Variants in LEPR observed in about 807,000 individuals in gnomAD.
LEPR encodes leptin receptor.
A neutral mutation model predicts 114.7 loss-of-function variants in LEPR; 56 were observed. The observed-to-expected ratio is 0.49, with a 90% CI of 0.39 to 0.61. The LOEUF (loss-of-function observed/expected upper bound fraction) is 0.61. Among genes scored for constraint, LEPR ranks in the 20% least tolerant of loss-of-function variants. The pLI, the probability that LEPR is intolerant of heterozygous loss-of-function variation, is 0.00. For synonymous variants in LEPR, 443 were observed against 461.4 expected (o/e 0.96, Z 0.51); for missense variants, 1,202 against 1,352.9 (o/e 0.89, Z 1.75).
At chr1:65,570,002 T>A (rs1171454682) in intron 3 of LEPR, among the ~76,000 whole-genome samples, 2 of 152,310 alleles carry the variant, frequency 1.3e-5, no homozygotes, top group East Asian at 3.9e-4. Context: ...GAAAGCAGTG[T>A]TAATATTTTG....
At chr1:65,589,926 T>G (rs566731116) in intron 5 of LEPR, among the ~76,000 whole-genome samples, 26 of 152,176 alleles carry the variant, frequency 1.7e-4, no homozygotes, top group African/African-American at 6.3e-4. Context: ...TCCATATGAA[T>G]TTTTAGATTC....
chr1:65,456,584 C>A (rs1022074751), intron 2 of LEPR, among the ~76,000 whole-genome samples: 2 of 152,146 alleles, frequency 1.3e-5, no homozygotes, highest in Non-Finnish European at 2.9e-5. Flanking sequence ...TCCCTGATAA[C>A]TATTTTTGCT....
At chr1:65,587,451 A>C (rs1034164936) in intron 5 of LEPR, among the ~76,000 whole-genome samples, 1 of 152,226 alleles carries the variant, frequency 6.6e-6, no homozygotes, top group Admixed American at 6.5e-5. Flanking sequence ...ATGGGTGGAT[A>C]GCATTTTACA....
At chr1:65,515,896 A>T (rs150636015) in intron 2 of LEPR, among the ~76,000 whole-genome samples, 1 of 152,346 alleles carries the variant, frequency 6.6e-6, no homozygotes, top group East Asian at 1.9e-4. Flanking sequence ...AAGATAGTCA[A>T]CTTGGTTAGT....
intron 2 of LEPR, among the ~76,000 whole-genome samples, chr1:65,537,920 C>T (rs939072237): frequency 6.6e-6 from 1 of 152,162 alleles, no homozygotes; most frequent in African/African-American, 2.4e-5. Flanking sequence ...GCTCCTGAGC[C>T]ACCCAAAGAA....
At chr1:65,551,925 C>G (rs1175032149) in intron 2 of LEPR, among the ~76,000 whole-genome samples, 1 of 152,140 alleles carries the variant, frequency 6.6e-6, no homozygotes, top group Non-Finnish European at 1.5e-5. Context: ...TCACTGGTTT[C>G]AAAGAACATC....
intron 2 of LEPR, among the ~76,000 whole-genome samples, chr1:65,540,823 A>C (rs1651139379): frequency 6.6e-6 from 1 of 152,008 alleles, no homozygotes; most frequent in Admixed American, 6.6e-5. Flanking sequence ...GGGAAAGATC[A>C]GTTTGTTCAG....
intron 2 of LEPR, among the ~76,000 whole-genome samples, chr1:65,542,766 A>G (rs1651330798): frequency 6.6e-6 from 1 of 151,952 alleles, no homozygotes; most frequent in Non-Finnish European, 1.5e-5. Flanking sequence ...TTCCAGCTTC[A>G]TTCATGTCCC....
At chr1:65,516,996 T>C (rs1474673574) in intron 2 of LEPR, among the ~76,000 whole-genome samples, 1 of 152,234 alleles carries the variant, frequency 6.6e-6, no homozygotes, top group Non-Finnish European at 1.5e-5. Flanking sequence ...CTTTACACCA[T>C]AATAACCGAG....
At chr1:65,452,470 TGA>T (rs1340818098) in intron 2 of LEPR, among the ~76,000 whole-genome samples, 1 of 151,998 alleles carries the variant, frequency 6.6e-6, no homozygotes, top group African/African-American at 2.4e-5. Context: ...CCTAATTTAT[TGA>T]GAGTTTTTAG....
chr1:65,596,579 A>G lies in LEPR; in HGVS notation c.835A>G (p.Thr279Ala), dbSNP rs1457997846. 1.2e-6 allele frequency: 2 copies of G among 1,612,404 alleles called. No homozygotes were observed. Residue 279 changes from threonine (T) to alanine (A), a missense_variant, in exon 7 of 20, where the codon ACA becomes GCA. Transcript: ENST00000349533. ...YQVKYSENST[T>A]VIREADKIVS... ...AGTGAAATATTCAGAGAATTCTACAACAGTTATCAGAGAAGTAAGTATATT... is the reference window on the plus strand; with the variant it reads ...AGTGAAATATTCAGAGAATTCTACAGCAGTTATCAGAGAAGTAAGTATATT...
Position 65,457,669 on chromosome 1 carries a change from C to T in LEPR, c.-21+32291C>T, listed in dbSNP as rs529043454. Reference sequence around the variant, plus strand: ...TTTCTCCTCACCTGCCCTCTCACCTCTTCCCCTTTCTGAGTCTTCATTGTC... The same window carrying T: ...TTTCTCCTCACCTGCCCTCTCACCTTTTCCCCTTTCTGAGTCTTCATTGTC... On this transcript the variant is annotated intron_variant, in intron 2 of 19. Transcript: ENST00000349533. Among the ~76,000 whole-genome samples, 10 of 152,334 alleles carry T rather than the reference C, an allele frequency of 6.6e-5. No homozygotes were observed. In the South Asian group the frequency reaches 2.1e-3, roughly 32 times the overall value.
chr1:65,609,865 T>C, intron 12 of LEPR, 82 bp from the exon 13 acceptor site: 1 of 1,590,906 alleles, frequency 6.3e-7, no homozygotes, highest in South Asian at 1.1e-5. Context: ...AGTGTTAAGG[T>C]TTAAAATAAA....
At chr1:65,537,497 A>G (rs1650862872) in intron 2 of LEPR, among the ~76,000 whole-genome samples, 2 of 152,018 alleles carry the variant, frequency 1.3e-5, no homozygotes, top group Non-Finnish European at 2.9e-5. Context: ...CAGATACCAT[A>G]GTAGAAGATA....
chr1:65,548,149 TTGAC>T lies in LEPR; in HGVS notation c.-20-17394_-20-17391del, dbSNP rs768450161. Among the ~76,000 whole-genome samples the T allele has an allele frequency of 4.9e-4, 74 of 152,204 alleles. 1 individual carries two copies. The highest frequency in any genetic ancestry group is 4.3e-4 in the Non-Finnish European group (29 of 68,034). ...GAGTTTCTGAATCCTCAGTTCTAGT[TTGAC>T]TGCACTGTGGTCTGAGAGACAGTTT... On this transcript the variant is annotated intron_variant, in intron 2 of 19. Transcript: ENST00000349533.
At chr1:65,444,816 G>A (rs551879015) in intron 2 of LEPR, among the ~76,000 whole-genome samples, 1 of 152,240 alleles carries the variant, frequency 6.6e-6, no homozygotes, top group South Asian at 2.1e-4. Context: ...GTAATAATGT[G>A]TGCTCATATA....
chr1:65,432,566 T>TAA (rs36067009), intron 2 of LEPR: 2,052 of 881,108 alleles, frequency 2.3e-3, no homozygotes, highest in South Asian at 3.4e-3. Flanking sequence ...CTCATTTGTT[T>TAA]AAAAAAAAAA....
chr1:65,598,840 A>G, intron 8 of LEPR, 36 bp downstream of exon 8: 1 of 1,612,404 alleles, frequency 6.2e-7, no homozygotes, highest in Non-Finnish European at 8.5e-7. Context: ...CTGGGAGGGA[A>G]ATATATTTCC....
Position 65,636,444 on chromosome 1 carries a change from A to T in LEPR, c.2927A>T (p.Asp976Val). ...EAEGTEVTYE[D>V]ESQRQPFVKY... ...GAGGGTACTGAGGTAACCTATGAGGACGAAAGCCAGAGACAACCCTTTGTT... is the reference window on the plus strand; with the variant it reads ...GAGGGTACTGAGGTAACCTATGAGGTCGAAAGCCAGAGACAACCCTTTGTT... The change falls in exon 20 of 20, where the codon GAC (aspartate) becomes GTC (valine). Residue 976 changes from aspartate to valine, a missense_variant. Transcript: ENST00000349533. The T allele has an allele frequency of 6.2e-7, 1 of 1,614,104 alleles. No individual in the cohort carries two copies. Among genetic ancestry groups the T allele is most frequent in the Non-Finnish European group, 8.5e-7 (1 of 1,180,014 alleles).
Sources: gnomAD v4.1 joint callset for allele counts (sites outside exome capture counted in the v4.1 genomes callset) on GRCh38, gnomAD v4.1.1 for gene constraint, MANE v1.5 for transcripts, NCBI Gene and HGNC (gene_info 2026-07-23, HGNC 2026-07-21) for gene names.